The following PRR16 variants were observed in gnomAD, a reference collection of about 807,000 sequenced individuals.
PRR16 encodes proline rich 16.
PRR16 carries 6 observed loss-of-function variants against 18.2 expected under a neutral mutation model. The ratio of observed to expected loss-of-function variants is 0.33; its 90% CI spans 0.18 to 0.65. The LOEUF (loss-of-function observed/expected upper bound fraction) is 0.65, where lower values mean the gene tolerates loss of function less well. PRR16 is among the 30% of genes least tolerant of loss of function. The pLI, the probability that PRR16 is intolerant of heterozygous loss-of-function variation, is 0.74. For synonymous variants in PRR16, 151 were observed against 147.8 expected (o/e 1.02, Z -0.16); for missense variants, 412 against 376.6 (o/e 1.09, Z -0.78).
At chr5:120,548,530 G>A (rs1752147186) in intron 1 of PRR16, among the ~76,000 whole-genome samples, 1 of 152,076 alleles carries the variant, frequency 6.6e-6, no homozygotes, top group Admixed American at 6.6e-5. Flanking sequence ...AAATTGGGAA[G>A]TGTCTAGAAA....
intron 1 of PRR16, among the ~76,000 whole-genome samples, chr5:120,497,749 T>G (rs936111492): frequency 1.3e-5 from 2 of 151,922 alleles, no homozygotes; most frequent in African/African-American, 4.8e-5. Context: ...CATATAATGA[T>G]AACATAGACA....
intron 1 of PRR16, among the ~76,000 whole-genome samples, chr5:120,590,428 A>T (rs1298610941): frequency 1.3e-5 from 2 of 152,124 alleles, no homozygotes; most frequent in African/African-American, 4.8e-5. Flanking sequence ...GTCAGTAAGA[A>T]TTTCTTAATA....
chr5:120,541,129 G>A (rs874946), intron 1 of PRR16, among the ~76,000 whole-genome samples: 30,157 of 151,842 alleles, frequency 0.2, 3,752 homozygotes, highest in East Asian at 0.62. Flanking sequence ...TGACTGTTTC[G>A]TTGTTGTTGT....
intron 1 of PRR16, among the ~76,000 whole-genome samples, chr5:120,653,210 T>A (rs919734743): frequency 4.6e-5 from 7 of 151,972 alleles, no homozygotes; most frequent in African/African-American, 1.4e-4. Flanking sequence ...GGTCTCTATG[T>A]TGGTCCCATG....
chr5:120,768,546 C>T, the PRR16 span, among the ~76,000 whole-genome samples: 1,869 of 151,550 alleles, frequency 0.012, 17 homozygotes, highest in Non-Finnish European at 0.021. Context: ...AACTCCGAAT[C>T]CTGAATTAAT....
chr5:120,560,491 T>C (rs1752542030), intron 1 of PRR16, among the ~76,000 whole-genome samples: 1 of 152,042 alleles, frequency 6.6e-6, no homozygotes. Flanking sequence ...AAGTCACACT[T>C]GGTCATGATA....
chr5:120,638,281 C>A (rs1397998974), intron 1 of PRR16, among the ~76,000 whole-genome samples: 1 of 152,026 alleles, frequency 6.6e-6, no homozygotes, highest in East Asian at 1.9e-4. Context: ...TAAGGATGCC[C>A]AACCTATATA....
the PRR16 span, among the ~76,000 whole-genome samples, chr5:120,714,700 T>A: frequency 6.6e-6 from 1 of 152,316 alleles, no homozygotes; most frequent in East Asian, 1.9e-4. Flanking sequence ...ATATGTTTAC[T>A]GCAGCACTAT....
rs1463791814 is a variant in PRR16, at chr5:120,500,379, A to G, written c.159+35734A>G. 2.6e-5 allele frequency among the ~76,000 whole-genome samples: 4 copies of G among 151,992 alleles called. 1 individual carries two copies. Among genetic ancestry groups the G allele is most frequent in the Non-Finnish European group, 1.5e-5 (1 of 67,996 alleles). On this transcript the variant is annotated intron_variant, in intron 1 of 1. Coordinates refer to ENST00000407149, the MANE Select transcript of PRR16 (RefSeq NM_001300783.2). ...CTTTCTTCTTCTATCACCCTTTCGAAGTGTCTTATCTTAGTGTGATATATA... is the reference window on the plus strand; with the variant it reads ...CTTTCTTCTTCTATCACCCTTTCGAGGTGTCTTATCTTAGTGTGATATATA...
chr5:120,784,593 A>C, the PRR16 span, among the ~76,000 whole-genome samples: 1 of 152,130 alleles, frequency 6.6e-6, no homozygotes, highest in African/African-American at 2.4e-5. Flanking sequence ...AACTCAAAAA[A>C]CTCAATAGCA....
intron 1 of PRR16, among the ~76,000 whole-genome samples, chr5:120,607,770 C>A (rs922887805): frequency 6.6e-6 from 1 of 152,040 alleles, no homozygotes; most frequent in East Asian, 1.9e-4. Context: ...GAGGTGATAA[C>A]CATGTGTGTT....
Position 120,464,518 on chromosome 5 carries a change from C to T in PRR16, c.32C>T (p.Ser11Leu), listed in dbSNP as rs1007630996. The T allele has an allele frequency of 6.3e-7, 1 of 1,591,788 alleles. No individual in the cohort carries two copies. Among genetic ancestry groups the T allele is most frequent in the Non-Finnish European group, 8.5e-7 (1 of 1,177,204 alleles). MSAKSKGNPS[S>L]SCPAEGPPAA... ...GCCAAGTCCAAGGGGAACCCCTCCT[C>T]GTCCTGTCCAGCCGAGGGACCGCCG... The change falls in exon 1 of 2, where the codon TCG becomes TTG. Residue 11 changes from serine to leucine, a missense_variant. Physicochemically the swap from Ser to Leu is moderately radical, Grantham distance 145. Transcript: ENST00000407149.
intron 1 of PRR16, among the ~76,000 whole-genome samples, chr5:120,544,281 G>A (rs919364528): frequency 1.1e-4 from 17 of 152,048 alleles, no homozygotes; most frequent in Non-Finnish European, 2.2e-4. Context: ...CTACACAAAA[G>A]GCTATTTATG....
At chr5:120,487,500 A>G (rs1444162117) in intron 1 of PRR16, among the ~76,000 whole-genome samples, 1 of 152,182 alleles carries the variant, frequency 6.6e-6, no homozygotes, top group African/African-American at 2.4e-5. Flanking sequence ...TTGATTTTCT[A>G]TCCTGAGACT....
intron 1 of PRR16, among the ~76,000 whole-genome samples, chr5:120,472,240 T>G (rs1749292632): frequency 6.6e-6 from 1 of 152,174 alleles, no homozygotes; most frequent in African/African-American, 2.4e-5. Context: ...AAAGAAAATT[T>G]GATGATTTCT....
chr5:120,528,579 A>G lies in PRR16; in HGVS notation c.159+63934A>G, dbSNP rs540725767. Among the ~76,000 whole-genome samples the G allele has an allele frequency of 4.0e-3, 615 of 152,292 alleles. 9 individuals are homozygous for G. The highest frequency in any genetic ancestry group is 1.0e-3 in the Non-Finnish European group (71 of 68,020). Reference sequence around the variant, plus strand: ...TTATGAATTTGAGCTCAGTGAAGGCATCCAAGTTTCCAGATGTGGCTTAGG... The same window carrying G: ...TTATGAATTTGAGCTCAGTGAAGGCGTCCAAGTTTCCAGATGTGGCTTAGG... On this transcript the variant is annotated intron_variant, in intron 1 of 1. Coordinates refer to ENST00000407149, the MANE Select transcript of PRR16 (RefSeq NM_001300783.2).
chr5:120,616,536 T>C (rs1389777996), intron 1 of PRR16, among the ~76,000 whole-genome samples: 2 of 152,158 alleles, frequency 1.3e-5, no homozygotes, highest in Non-Finnish European at 2.9e-5. Flanking sequence ...CAAGCTTAGG[T>C]TTCCTGATGC....
chr5:120,785,179 A>AT, the PRR16 span, among the ~76,000 whole-genome samples: 11 of 151,990 alleles, frequency 7.2e-5, no homozygotes, highest in East Asian at 1.9e-4. Flanking sequence ...AGTATTGGTT[A>AT]TTTTTTTTCC....
At chr5:120,539,249 TAGAAAA>T (rs2112679738) in intron 1 of PRR16, among the ~76,000 whole-genome samples, 2 of 151,430 alleles carry the variant, frequency 1.3e-5, no homozygotes, top group South Asian at 4.2e-4. Context: ...CTAATAATAT[TAGAAAA>T]TAATATTTTT....
Sources: allele counts gnomAD v4.1 joint callset (sites outside exome capture counted in the v4.1 genomes callset), GRCh38; gene constraint gnomAD v4.1.1; transcripts MANE v1.5; gene names NCBI Gene and HGNC (gene_info 2026-07-23, HGNC 2026-07-21).